The following CHRNA6 variants were observed in gnomAD, a reference collection of about 807,000 sequenced individuals.
CHRNA6 encodes the protein cholinergic receptor nicotinic alpha 6 subunit.
A neutral mutation model predicts 40.9 loss-of-function variants in CHRNA6; 31 were observed. The observed-to-expected ratio is 0.76, with a 90% confidence interval of 0.57 to 1.02. CHRNA6 has a LOEUF of 1.02. CHRNA6 is among the 50% of genes least tolerant of loss of function. The pLI is 0.00. For synonymous variants in CHRNA6, 222 were observed against 221.3 expected (o/e 1.00, Z -0.03); for missense variants, 546 against 596.6 (o/e 0.92, Z 0.88).
chr8:42,755,697 T>C, intron 5 of CHRNA6, 149 bp downstream of exon 5: 1 of 909,288 alleles, frequency 1.1e-6, no homozygotes, highest in South Asian at 1.6e-5. Context: ...AGTCCACCCA[T>C]AACCACATAA....
chr8:42,762,353 T>TA (rs1249706747), intron 2 of CHRNA6, among the ~76,000 whole-genome samples: 1 of 152,182 alleles, frequency 6.6e-6, no homozygotes, highest in African/African-American at 2.4e-5. Flanking sequence ...AGTTAATGGT[T>TA]AAACAAAGCG....
chr8:42,762,374 G>A (rs1402415458), intron 2 of CHRNA6, among the ~76,000 whole-genome samples: 1 of 152,206 alleles, frequency 6.6e-6, no homozygotes, highest in African/African-American at 2.4e-5. Context: ...CCATGGTCCA[G>A]GTGTGGTGGC....
At chr8:42,762,814 G>A (rs942879771) in intron 2 of CHRNA6, among the ~76,000 whole-genome samples, 2 of 152,202 alleles carry the variant, frequency 1.3e-5, no homozygotes, top group Non-Finnish European at 2.9e-5. Flanking sequence ...TATGATTCCA[G>A]TTACGTATAA....
intron 2 of CHRNA6, 124 bp downstream of exon 2, chr8:42,764,941 T>C: frequency 9.4e-7 from 1 of 1,059,660 alleles, no homozygotes; most frequent in Non-Finnish European, 1.3e-6. Flanking sequence ...GCCTCCCAAA[T>C]GGATGGCTTT....
rs1476995036 is a variant in CHRNA6, at chr8:42,759,085, T to C, written c.248A>G (p.Asn83Ser). 1.9e-6 allele frequency: 3 copies of C among 1,613,562 alleles called. No homozygotes were observed. Among genetic ancestry groups the C allele is most frequent in the Non-Finnish European group, 8.5e-7 (1 of 1,179,500 alleles). ...VDEVNQIMETNLWLRHIWNDY... is the reference protein window; with the variant it reads ...VDEVNQIMETSLWLRHIWNDY... ...GGCACATACGTGACGCAGCCACAAA[T>C]TGGTTTCCATGATCTGGTTTACTTC... Residue 83 changes from asparagine to serine, a missense_variant, in exon 3 of 6, where the codon AAT becomes AGT. Physicochemically the swap from Asn to Ser is conservative, Grantham distance 46 (BLOSUM62 1). Around this residue, in one of 3 missense-constraint regions of CHRNA6, gnomAD observed 476 missense variants for 494.5 expected, o/e 0.96. Coordinates refer to ENST00000276410, the MANE Select transcript of CHRNA6 (RefSeq NM_004198.3).
Position 42,756,587 on chromosome 8 carries a change from ACT to A in CHRNA6, c.610_611del (p.Ser204Ter). 6 of 1,614,116 alleles carry A rather than the reference ACT, an allele frequency of 3.7e-6. No individual in the cohort carries two copies. Among genetic ancestry groups the A allele is most frequent in the Non-Finnish European group, 4.2e-6 (5 of 1,180,010 alleles). On this transcript the variant is annotated frameshift_variant, in exon 5 of 6. Transcript: ENST00000276410. LOFTEE classifies it high-confidence loss of function. ...KVDMNDFWENSEWEIIDASGY... is the reference protein window; with the variant it reads ...KVDMNDFWENXEWEIIDASGY... ...CAGAGGCATCAATGATTTCCCATTC[ACT>A]GTTTTCCCAAAAATCATTCATATCC...
intron 5 of CHRNA6, among the ~76,000 whole-genome samples, chr8:42,754,802 T>G (rs754785585): frequency 3.9e-5 from 6 of 152,116 alleles, no homozygotes; most frequent in South Asian, 2.1e-4. Flanking sequence ...AGTTAGACTC[T>G]GGACAGCAGG....
intron 2 of CHRNA6, among the ~76,000 whole-genome samples, chr8:42,760,096 G>A (rs1003425583): frequency 6.6e-6 from 1 of 152,186 alleles, no homozygotes; most frequent in Non-Finnish European, 1.5e-5. Flanking sequence ...TTAGCTGTTA[G>A]ATGGGGAGAC....
intron 5 of CHRNA6, among the ~76,000 whole-genome samples, chr8:42,754,481 G>GT (rs369391782): frequency 5.6e-4 from 85 of 151,982 alleles, no homozygotes; most frequent in African/African-American, 1.3e-3. Context: ...ACTAATTTTT[G>GT]TTTTTTTTGT....
chr8:42,766,521 A>AGAAAGAAAGAG (rs1563627476), intron 1 of CHRNA6, among the ~76,000 whole-genome samples: 1 of 151,932 alleles, frequency 6.6e-6, no homozygotes, highest in African/African-American at 2.4e-5. Context: ...AAAGAAAGAA[A>AGAAAGAAAGAG]ATGTGGTATA....
rs1816745920 is a variant in CHRNA6, at chr8:42,753,169, A to G, written c.*10T>C. ...GTCTGTAAATTTCTGAACATAAAAG[A>G]AAATACATTTTAAGATTTTCCTGTG... On this transcript the variant is annotated 3_prime_UTR_variant, in exon 6 of 6. Transcript: ENST00000276410. 1 of 1,589,172 alleles carries G rather than the reference A, an allele frequency of 6.3e-7. No homozygotes were observed. Among genetic ancestry groups the G allele is most frequent in the Non-Finnish European group, 8.5e-7 (1 of 1,173,826 alleles).
chr8:42,761,750 C>T (rs1816908834), intron 2 of CHRNA6, among the ~76,000 whole-genome samples: 2 of 152,220 alleles, frequency 1.3e-5, no homozygotes, highest in Non-Finnish European at 2.9e-5. Flanking sequence ...CAAAGACCCA[C>T]AGCATCAACT....
intron 5 of CHRNA6, among the ~76,000 whole-genome samples, chr8:42,755,110 C>T (rs187205784): frequency 2.9e-4 from 44 of 150,444 alleles, no homozygotes; most frequent in African/African-American, 1.0e-3. Flanking sequence ...CCTCAACCTC[C>T]TGGGCTCAAG....
intron 3 of CHRNA6, among the ~76,000 whole-genome samples, chr8:42,757,958 C>T (rs993407696): frequency 2.6e-5 from 4 of 151,654 alleles, no homozygotes; most frequent in African/African-American, 9.7e-5. Context: ...TGGTGTGAAC[C>T]TGGGAGGCGG....
In CHRNA6 at chr8:42,756,433, A is replaced by G. The variant is rs1379724177; in HGVS notation, c.766T>C (p.Phe256Leu). Residue 256 changes from phenylalanine to leucine, a missense_variant, in exon 5 of 6, where the codon TTT (phenylalanine) becomes CTT (leucine). Phe to Leu is a conservative substitution (Grantham distance 22). Around this residue, in one of 3 missense-constraint regions of CHRNA6, gnomAD observed 476 missense variants for 494.5 expected, o/e 0.96. Transcript: ENST00000276410. ...AGGTAAAAGACCAACACGGTTAGAA[A>G]TGAAATAAAGAGACAAGGGATGATC... ...NLIIPCLFIS[F>L]LTVLVFYLPS... The G allele has an allele frequency of 6.2e-7, 1 of 1,614,260 alleles. No individual in the cohort carries two copies. The highest frequency in any genetic ancestry group is 1.7e-5 in the Admixed American group (1 of 60,030).
At chr8:42,764,520 T>A (rs1816945990) in intron 2 of CHRNA6, among the ~76,000 whole-genome samples, 1 of 152,094 alleles carries the variant, frequency 6.6e-6, no homozygotes, top group African/African-American at 2.4e-5. Context: ...AGAGACAAGA[T>A]CTTGCTATGT....
At chr8:42,767,037 G>A (rs545282163) in intron 1 of CHRNA6, among the ~76,000 whole-genome samples, 3 of 152,252 alleles carry the variant, frequency 2.0e-5, no homozygotes, top group African/African-American at 4.8e-5. Flanking sequence ...GCATGATCTC[G>A]GCTCACTGCA....
chr8:42,760,307 CAT>C (rs373829374), intron 2 of CHRNA6, among the ~76,000 whole-genome samples: 167 of 145,512 alleles, frequency 1.1e-3, no homozygotes, highest in African/African-American at 4.4e-3. Context: ...ACGGTACTCT[CAT>C]ACACACTCAT....
At chr8:42,753,817 G>A (rs779429777) in intron 5 of CHRNA6, among the ~76,000 whole-genome samples, 40 of 152,158 alleles carry the variant, frequency 2.6e-4, no homozygotes, top group South Asian at 4.1e-4. Context: ...CAGAGTCTGC[G>A]GCAAAGCCCT....
Sources: allele counts gnomAD v4.1 joint callset (sites outside exome capture counted in the v4.1 genomes callset), GRCh38; gene constraint gnomAD v4.1.1; regional missense constraint gnomAD v4.1.1; transcripts MANE v1.5; gene names NCBI Gene and HGNC (gene_info 2026-07-23, HGNC 2026-07-21).